Variants in SLC30A6 observed in about 807,000 individuals in gnomAD.
SLC30A6 encodes solute carrier family 30 member 6.
A neutral mutation model predicts 63.0 loss-of-function variants in SLC30A6; 55 were observed. That is an observed-to-expected ratio of 0.87 (90% CI 0.70 to 1.09). SLC30A6 has a LOEUF of 1.09. Among genes scored for constraint, SLC30A6 ranks in the 50% least tolerant of loss-of-function variants. SLC30A6 has a pLI of 0.00. For missense variants in SLC30A6, 587 were observed against 549.2 expected (o/e 1.07, Z -0.69); for synonymous variants, 224 against 186.1 (o/e 1.20, Z -1.66).
intron 5 of SLC30A6, among the ~76,000 whole-genome samples, chr2:32,187,763 C>G (rs212745): frequency 0.58 from 88,565 of 151,960 alleles, 26,089 homozygotes; most frequent in Non-Finnish European, 0.6. Flanking sequence ...CATCAGCACT[C>G]TGTTGCTCAA....
chr2:32,204,899 G>A (rs1349731146), intron 11 of SLC30A6, among the ~76,000 whole-genome samples: 5 of 139,808 alleles, frequency 3.6e-5, no homozygotes, highest in Non-Finnish European at 6.1e-5. Flanking sequence ...CTGCCGCCTT[G>A]ACCTCCCAGG....
At chr2:32,206,338 C>T (rs212680) in intron 11 of SLC30A6, among the ~76,000 whole-genome samples, 86,914 of 151,476 alleles carry the variant, frequency 0.57, 25,214 homozygotes, top group Non-Finnish European at 0.6. Context: ...CCCAGCTACT[C>T]AGGAGGCTGA....
intron 12 of SLC30A6, among the ~76,000 whole-genome samples, chr2:32,208,572 GC>G (rs1222503163): frequency 6.6e-6 from 1 of 151,988 alleles, no homozygotes; most frequent in Admixed American, 6.6e-5. Flanking sequence ...GAGCCACTGT[GC>G]CCGGTCAAAT....
chr2:32,187,049 A>G (rs1036362835), intron 5 of SLC30A6: 5 of 377,142 alleles, frequency 1.3e-5, no homozygotes, highest in East Asian at 7.4e-5. Context: ...GGGGGAAAAA[A>G]TGGGAGGACT....
chr2:32,176,784 T>A (rs1277610379), intron 4 of SLC30A6, among the ~76,000 whole-genome samples: 1 of 152,086 alleles, frequency 6.6e-6, no homozygotes, highest in Non-Finnish European at 1.5e-5. Context: ...TTCTTTTTTT[T>A]TTCTTTGAGA....
At chr2:32,185,152 TGA>T (rs1461817844) in intron 5 of SLC30A6, among the ~76,000 whole-genome samples, 2 of 151,718 alleles carry the variant, frequency 1.3e-5, no homozygotes, top group Non-Finnish European at 2.9e-5. Flanking sequence ...GAGGATTGCT[TGA>T]GTTAGAAGCC....
rs964591953 is a variant in SLC30A6 at position 32,201,688 on chromosome 2, G to A, written c.666-2902G>A. 24 of 1,459,234 alleles carry A rather than the reference G, an allele frequency of 1.6e-5. No homozygotes were observed. In the African/African-American group the frequency reaches 3.1e-4, roughly 19 times the overall value. The allele number at this position is 1,459,234 out of a possible 1,614,324, so 90.4% of individuals were successfully genotyped here. On this transcript the variant is annotated intron_variant, in intron 10 of 13. Coordinates refer to ENST00000282587, the MANE Select transcript of SLC30A6 (RefSeq NM_017964.5). ...AGCCAGAAGAAGGAGAGGCAGAAGA[G>A]CTTTATGGATATCACAGTTTCGGCT...
chr2:32,185,347 C>A (rs1486489087), intron 5 of SLC30A6, among the ~76,000 whole-genome samples: 1 of 149,244 alleles, frequency 6.7e-6, no homozygotes, highest in Admixed American at 6.7e-5. Context: ...AAGAGTAAGA[C>A]CCTGTCTCAA....
At chr2:32,218,197 G>A (rs1685869536) in intron 13 of SLC30A6, among the ~76,000 whole-genome samples, 1 of 152,046 alleles carries the variant, frequency 6.6e-6, no homozygotes, top group Non-Finnish European at 1.5e-5. Flanking sequence ...GAGGCAGGAG[G>A]ATCGCTTGAA....
intron 13 of SLC30A6, among the ~76,000 whole-genome samples, chr2:32,213,771 C>G (rs989024632): frequency 4.7e-5 from 7 of 149,874 alleles, no homozygotes; most frequent in African/African-American, 1.7e-4. Context: ...TTCTATTTTT[C>G]CTATATTAAC....
chr2:32,194,991 A>G (rs1051588943), intron 8 of SLC30A6, among the ~76,000 whole-genome samples: 2 of 152,104 alleles, frequency 1.3e-5, no homozygotes, highest in Non-Finnish European at 1.5e-5. Context: ...TGACCCACAG[A>G]TAATATGTTA....
chr2:32,175,937 C>T (rs1015209551), intron 4 of SLC30A6, among the ~76,000 whole-genome samples: 1 of 152,176 alleles, frequency 6.6e-6, no homozygotes. Context: ...TGTGCCACCA[C>T]ACTCCAGCCT....
At chr2:32,166,946 A>G (rs1189248115) in intron 1 of SLC30A6, among the ~76,000 whole-genome samples, 1 of 152,062 alleles carries the variant, frequency 6.6e-6, no homozygotes, top group Non-Finnish European at 1.5e-5. Context: ...ATATTTCTAA[A>G]ATTTGACCAC....
At chr2:32,170,694 G>C (rs941014110) in intron 1 of SLC30A6, among the ~76,000 whole-genome samples, 11 of 152,138 alleles carry the variant, frequency 7.2e-5, no homozygotes, top group African/African-American at 2.7e-4. Flanking sequence ...CACCTCCCAG[G>C]CTCAAGAGAT....
At position 32,192,346 on chromosome 2, in the gene SLC30A6, T is replaced by C; in HGVS notation, c.295T>C (p.Leu99=). 1 of 1,614,042 alleles carries C rather than the reference T, an allele frequency of 6.2e-7. No homozygotes were observed. Among genetic ancestry groups the C allele is most frequent in the Non-Finnish European group, 8.5e-7 (1 of 1,179,934 alleles). Residue 99 remains leucine (L), a synonymous_variant, in exon 6 of 14, where the codon TTA becomes CTA. Transcript: ENST00000282587. ...ATGTTTTGGTTTCAGGTTTGAAAGA[T>C]TAGAAGTCCTGGCTGTATTTGCCTC... ...SPVYSFGFER[L]EVLAVFASTV... is the part of the protein sequence containing the mutation.
At chr2:32,200,172 G>A (rs1394044562) in intron 10 of SLC30A6, among the ~76,000 whole-genome samples, 2 of 151,600 alleles carry the variant, frequency 1.3e-5, no homozygotes, top group African/African-American at 4.9e-5. Context: ...CATTCTCATT[G>A]CTGCTGTCCC....
At chr2:32,197,855 G>T (rs1683937739) in intron 10 of SLC30A6, 29 bp downstream of exon 10, 1 of 1,610,670 alleles carries the variant, frequency 6.2e-7, no homozygotes. Flanking sequence ...TGTCAAGTAT[G>T]TTTTGATTTC....
At chr2:32,203,437 A>G (rs1024775032) in intron 10 of SLC30A6, 11 of 1,509,210 alleles carry the variant, frequency 7.3e-6, no homozygotes, top group African/African-American at 2.7e-5. Flanking sequence ...ATTTTTTCCA[A>G]CCATCAGCTC....
At chr2:32,203,228 G>A (rs1684451417) in intron 10 of SLC30A6, 5 of 1,037,980 alleles carry the variant, frequency 4.8e-6, no homozygotes. Flanking sequence ...CCATCGTTCT[G>A]GACGCACAGG....
Sources: allele counts gnomAD v4.1 joint callset (sites outside exome capture counted in the v4.1 genomes callset), GRCh38; gene constraint gnomAD v4.1.1; transcripts MANE v1.5; gene names NCBI Gene and HGNC (gene_info 2026-07-23, HGNC 2026-07-21).